Variants in EPHA5 observed in about 807,000 individuals in gnomAD.
The protein encoded by EPHA5 is ephrin type-A receptor 5.
A neutral mutation model predicts 105.0 loss-of-function variants in EPHA5; 60 were observed. The ratio of observed to expected loss-of-function variants is 0.57; its 90% CI spans 0.46 to 0.71. The LOEUF is 0.71. Ranked by LOEUF, EPHA5 falls within the 30% of genes least tolerant of loss-of-function variation. The probability of loss-of-function intolerance (pLI) is 0.00; values close to 1 mark genes in which losing one functional copy is unlikely to be tolerated. For synonymous variants in EPHA5, 513 were observed against 449.1 expected (o/e 1.14, Z -1.80); for missense variants, 1,218 against 1,274.7 (o/e 0.96, Z 0.68).
intron 15 of EPHA5, among the ~76,000 whole-genome samples, chr4:65,333,515 G>A (rs1325042968): frequency 2.1e-5 from 3 of 141,088 alleles, no homozygotes; most frequent in East Asian, 2.2e-4. Flanking sequence ...ACAATTGTGT[G>A]CGTGTGCGTG....
intron 8 of EPHA5, among the ~76,000 whole-genome samples, chr4:65,389,470 G>T (rs183970100): frequency 6.6e-6 from 1 of 151,690 alleles, no homozygotes. Context: ...TTTTGAAACA[G>T]GTTTCTCTTT....
chr4:65,360,509 A>G (rs1366063363), intron 11 of EPHA5, among the ~76,000 whole-genome samples: 1 of 151,666 alleles, frequency 6.6e-6, no homozygotes, highest in Non-Finnish European at 1.5e-5. Flanking sequence ...AAGGTATTTA[A>G]CTTTTTTAAT....
intron 3 of EPHA5, among the ~76,000 whole-genome samples, chr4:65,503,513 A>G (rs1437049318): frequency 6.6e-6 from 1 of 151,858 alleles, no homozygotes; most frequent in Non-Finnish European, 1.5e-5. Flanking sequence ...TTAGAATATT[A>G]CATAAGAAAA....
In EPHA5 at chr4:65,660,178, A is replaced by T. The variant is rs190630035; in HGVS notation, c.181+9384T>A. 1.8e-3 allele frequency among the ~76,000 whole-genome samples: 273 copies of T among 152,214 alleles called. 2 individuals carry two copies. Among genetic ancestry groups the T allele is most frequent in the Non-Finnish European group, 2.2e-3 (150 of 67,984 alleles). On this transcript the variant is annotated intron_variant, in intron 1 of 16. Coordinates refer to ENST00000613740, the MANE Select transcript of EPHA5 (RefSeq NM_001281766.3). The stretch of plus-strand genomic sequence containing the variant: ...GATATGATTTGTGGCAAAATTTTTT[A>T]AAAAAATTCTGCCCTCTACCAGTCT...
chr4:65,632,122 A>G (rs994152414), intron 2 of EPHA5, among the ~76,000 whole-genome samples: 3 of 152,094 alleles, frequency 2.0e-5, no homozygotes, highest in African/African-American at 7.2e-5. Flanking sequence ...GAAGAAACAG[A>G]AAGATTAACT....
At chr4:65,545,399 T>A (rs12644143) in intron 3 of EPHA5, among the ~76,000 whole-genome samples, 6 of 151,876 alleles carry the variant, frequency 4.0e-5, no homozygotes, top group Non-Finnish European at 7.4e-5. Context: ...GAAGATCGTA[T>A]GTTGATGTCT....
rs190809121 is a variant in EPHA5, at chr4:65,572,756, C to A, written c.910+28885G>T. Among the ~76,000 whole-genome samples the A allele has an allele frequency of 5.0e-3, 757 of 152,286 alleles. 4 individuals are homozygous for A. Among genetic ancestry groups the A allele is most frequent in the African/African-American group, 0.017 (722 of 41,566 alleles). ...GTAATAATAATTATCACAAGCTGGG[C>A]GTGGTGGCTCACGCCTATAATACCA... On this transcript the variant is annotated intron_variant, in intron 3 of 16. Coordinates refer to ENST00000613740, the MANE Select transcript of EPHA5 (RefSeq NM_001281766.3).
intron 11 of EPHA5, 59 bp downstream of exon 11, chr4:65,364,958 A>G: frequency 7.5e-7 from 1 of 1,334,996 alleles, no homozygotes; most frequent in South Asian, 1.7e-5. Flanking sequence ...TAAATTAATA[A>G]TAATCTAGAC....
chr4:65,638,675 G>A (rs1378154848), intron 2 of EPHA5, among the ~76,000 whole-genome samples: 1 of 152,162 alleles, frequency 6.6e-6, no homozygotes, highest in Non-Finnish European at 1.5e-5. Context: ...GGAGGCGGAG[G>A]TTGCGGTGAG....
At chr4:65,556,890 C>G (rs1356185173) in intron 3 of EPHA5, among the ~76,000 whole-genome samples, 3 of 151,872 alleles carry the variant, frequency 2.0e-5, no homozygotes, top group Non-Finnish European at 4.4e-5. Context: ...TTTTTGTGGT[C>G]TAAAAAACAT....
chr4:65,528,753 G>A (rs1735478427), intron 3 of EPHA5, among the ~76,000 whole-genome samples: 1 of 152,124 alleles, frequency 6.6e-6, no homozygotes, highest in African/African-American at 2.4e-5. Flanking sequence ...AAAGTGGCCT[G>A]AAGCGGACAG....
chr4:65,409,126 T>G (rs1310662776), intron 7 of EPHA5, among the ~76,000 whole-genome samples: 56 of 124,440 alleles, frequency 4.5e-4, no homozygotes, highest in African/African-American at 1.6e-3. Flanking sequence ...CACTCATAGG[T>G]GGGAATTGAA....
At chr4:65,497,368 A>T (rs1484798278) in intron 3 of EPHA5, among the ~76,000 whole-genome samples, 1 of 152,164 alleles carries the variant, frequency 6.6e-6, no homozygotes, top group African/African-American at 2.4e-5. Context: ...ATCTAATTAT[A>T]GTGATAGTAA....
At chr4:65,593,908 G>T (rs1578521893) in intron 3 of EPHA5, among the ~76,000 whole-genome samples, 1 of 152,002 alleles carries the variant, frequency 6.6e-6, no homozygotes, top group East Asian at 1.9e-4. Flanking sequence ...CTTATAATTC[G>T]CATTCATATT....
At chr4:65,331,447 C>G in intron 16 of EPHA5, 4 of 1,047,066 alleles carry the variant, frequency 3.8e-6, no homozygotes, top group Non-Finnish European at 4.6e-6. Context: ...GAGGCGGGAT[C>G]TGATACATCC....
intron 5 of EPHA5, among the ~76,000 whole-genome samples, chr4:65,477,082 C>G (rs1225336526): frequency 6.6e-6 from 1 of 152,154 alleles, no homozygotes; most frequent in Non-Finnish European, 1.5e-5. Flanking sequence ...AACTGTTGTG[C>G]TCCTAAGAAA....
At chr4:65,407,948 T>C (rs1008757921) in intron 7 of EPHA5, among the ~76,000 whole-genome samples, 1 of 151,924 alleles carries the variant, frequency 6.6e-6, no homozygotes, top group Non-Finnish European at 1.5e-5. Flanking sequence ...TTGTTTTTAT[T>C]GTGAAGGGGT....
rs759496631 is a variant in EPHA5, at chr4:65,322,888, A to G, written c.*1226T>C. 5 of 229,388 alleles carry G rather than the reference A, an allele frequency of 2.2e-5. No homozygotes were observed. Among genetic ancestry groups the G allele is most frequent in the African/African-American group, 4.4e-5 (2 of 45,054 alleles). The allele number at this position is 229,388 out of a possible 1,614,324, so 14.2% of individuals were successfully genotyped here. ...ATAATTCCATTGCTGCCTTAGAGTC[A>G]AAATTTCTAGAACTGAGTCAAAATG... On this transcript the variant is annotated 3_prime_UTR_variant, in exon 17 of 17. Transcript: ENST00000613740.
chr4:65,487,487 C>T (rs1730990125), intron 5 of EPHA5, among the ~76,000 whole-genome samples: 1 of 152,124 alleles, frequency 6.6e-6, no homozygotes, highest in African/African-American at 2.4e-5. Context: ...GGATTCCTAA[C>T]CTCCCCAATG....
Sources: gnomAD v4.1 joint callset for allele counts (sites outside exome capture counted in the v4.1 genomes callset) on GRCh38, gnomAD v4.1.1 for gene constraint, MANE v1.5 for transcripts, NCBI Gene and HGNC (gene_info 2026-07-23, HGNC 2026-07-21) for gene names.